The following LHFPL6 variants were observed in gnomAD, a reference collection of about 807,000 sequenced individuals.
The protein encoded by LHFPL6 is LHFPL tetraspan subfamily member 6 protein.
Under a neutral mutation model 20.6 loss-of-function variants are expected in LHFPL6, and 9 were observed. The ratio of observed to expected loss-of-function variants is 0.44; its 90% confidence interval spans 0.26 to 0.76. The LOEUF (loss-of-function observed/expected upper bound fraction) is 0.76. Among genes scored for constraint, LHFPL6 ranks in the 30% least tolerant of loss-of-function variants. The pLI is 0.20. For synonymous variants in LHFPL6, 105 were observed against 98.7 expected (o/e 1.06, Z -0.38); for missense variants, 218 against 253.5 (o/e 0.86, Z 0.95).
Position 39,342,916 on chromosome 13 carries a change from C to T in LHFPL6, c.*1020G>A, listed in dbSNP as rs74044026. The T allele has an allele frequency of 9.0e-3, 1,609 of 179,736 alleles. 29 individuals carry two copies. Among genetic ancestry groups the T allele is most frequent in the African/African-American group, 0.036 (1,543 of 42,446 alleles). 11.1% of individuals were successfully genotyped at this position (179,736 alleles called of 1,614,324 possible). On this transcript the variant is annotated 3_prime_UTR_variant, in exon 4 of 4. Transcript: ENST00000379589. The stretch of plus-strand genomic sequence containing the variant: ...CTATTGATCAAAGAGAGAATTTATT[C>T]ACAGAGATTTTCAAATACAAACAAA...
chr13:39,359,690 G>C (rs1047557575), intron 3 of LHFPL6, among the ~76,000 whole-genome samples: 1 of 152,012 alleles, frequency 6.6e-6, no homozygotes, highest in African/African-American at 2.4e-5. Context: ...TCACTTCTTC[G>C]GTGACGGATT....
In LHFPL6 at chr13:39,375,562, G is replaced by A. The variant is rs184706438; in HGVS notation, c.484+2866C>T. ...AAAAATTAGCTGGGCCTGGTGGCGG[G>A]TGCCTGTAATCTCAGCTACTTAGGA... On this transcript the variant is annotated intron_variant, in intron 3 of 3. Coordinates refer to ENST00000379589, the MANE Select transcript of LHFPL6 (RefSeq NM_005780.3). Among the ~76,000 whole-genome samples, 72 of 152,172 alleles carry A rather than the reference G, an allele frequency of 4.7e-4. No homozygotes were observed. In the East Asian group the frequency reaches 8.1e-3, roughly 17 times the overall value.
At chr13:39,382,389 TTTTG>T (rs1408631842) in intron 2 of LHFPL6, among the ~76,000 whole-genome samples, 1 of 152,096 alleles carries the variant, frequency 6.6e-6, no homozygotes, top group African/African-American at 2.4e-5. Flanking sequence ...TTACTTTGTT[TTTTG>T]TTTGTTTGGT....
intron 3 of LHFPL6, among the ~76,000 whole-genome samples, chr13:39,363,317 A>AT (rs1217163188): frequency 6.6e-6 from 1 of 152,028 alleles, no homozygotes; most frequent in Non-Finnish European, 1.5e-5. Flanking sequence ...CATCCTTTTG[A>AT]TTTTATCCTT....
chr13:39,418,778 T>C (rs1164195666), intron 2 of LHFPL6, among the ~76,000 whole-genome samples: 2 of 152,234 alleles, frequency 1.3e-5, no homozygotes, highest in Non-Finnish European at 2.9e-5. Flanking sequence ...AGCTTTGCCT[T>C]TCCTATCTTC....
intron 2 of LHFPL6, among the ~76,000 whole-genome samples, chr13:39,507,866 C>A (rs1416272343): frequency 6.8e-6 from 1 of 146,608 alleles, no homozygotes; most frequent in African/African-American, 2.5e-5. Context: ...GATTTCAAGT[C>A]CAGGCTTTAT....
intron 2 of LHFPL6, among the ~76,000 whole-genome samples, chr13:39,451,481 T>A (rs1305417043): frequency 1.3e-5 from 2 of 152,188 alleles, no homozygotes; most frequent in Non-Finnish European, 2.9e-5. Context: ...ACCTATTACA[T>A]AACCTAGCCA....
At chr13:39,593,092 A>G (rs1237694521) in intron 2 of LHFPL6, among the ~76,000 whole-genome samples, 1 of 152,166 alleles carries the variant, frequency 6.6e-6, no homozygotes, top group South Asian at 2.1e-4. Context: ...TACCACTCCT[A>G]ATCAACATAG....
At chr13:39,364,502 G>T (rs1566094364) in intron 3 of LHFPL6, among the ~76,000 whole-genome samples, 1 of 152,170 alleles carries the variant, frequency 6.6e-6, no homozygotes. Context: ...CCAATGCAGA[G>T]AAATGGCAAA....
intron 2 of LHFPL6, among the ~76,000 whole-genome samples, chr13:39,468,748 A>G (rs1215187124): frequency 6.6e-6 from 1 of 152,172 alleles, no homozygotes; most frequent in East Asian, 1.9e-4. Flanking sequence ...GCATATGATT[A>G]CAATTCTCAG....
Position 39,568,725 on chromosome 13 carries a change from G to C in LHFPL6, c.385+32107C>G, listed in dbSNP as rs981832737. Among the ~76,000 whole-genome samples, 45 of 152,116 alleles carry C rather than the reference G, an allele frequency of 3.0e-4. 1 individual carries two copies. The highest frequency in any genetic ancestry group is 2.6e-3 in the Admixed American group (40 of 15,266). ...CCCATCTCAGAAGCTCCAGGCTCTG[G>C]CTCCTTTCACCCCTACATCCTCTAA... is the stretch of plus-strand genomic sequence containing the variant. On this transcript the variant is annotated intron_variant, in intron 2 of 3. Transcript: ENST00000379589.
At chr13:39,588,931 C>T (rs1381075821) in intron 2 of LHFPL6, among the ~76,000 whole-genome samples, 1 of 152,010 alleles carries the variant, frequency 6.6e-6, no homozygotes, top group Non-Finnish European at 1.5e-5. Flanking sequence ...CTTTTTTATC[C>T]AACAATATTT....
rs1169806177 is a variant in LHFPL6, at chr13:39,416,443, C to T, written c.386-37917G>A. On this transcript the variant is annotated intron_variant, in intron 2 of 3. Coordinates refer to ENST00000379589, the MANE Select transcript of LHFPL6 (RefSeq NM_005780.3). ...CCAGTTCATTTACTCTATGTTTTCC[C>T]CAACTGTGGTGCCACACAATGATAC... 2.0e-5 allele frequency among the ~76,000 whole-genome samples: 3 copies of T among 151,788 alleles called. No homozygotes were observed. In the East Asian group the frequency reaches 5.8e-4, roughly 29 times the overall value.
chr13:39,433,880 T>G (rs983172380), intron 2 of LHFPL6, among the ~76,000 whole-genome samples: 1 of 152,200 alleles, frequency 6.6e-6, no homozygotes, highest in Non-Finnish European at 1.5e-5. Context: ...GAGCCTCCTT[T>G]GGGATGAAAT....
At chr13:39,557,223 C>T (rs1308695642) in intron 2 of LHFPL6, among the ~76,000 whole-genome samples, 2 of 152,192 alleles carry the variant, frequency 1.3e-5, no homozygotes, top group African/African-American at 4.8e-5. Context: ...GGGGCCAGGC[C>T]CAGGGCCCCA....
chr13:39,466,265 C>T (rs1022526940), intron 2 of LHFPL6, among the ~76,000 whole-genome samples: 3 of 152,104 alleles, frequency 2.0e-5, no homozygotes, highest in Non-Finnish European at 4.4e-5. Flanking sequence ...TCTAGATACT[C>T]CCAGGTAGAG....
In LHFPL6 at chr13:39,466,369, G is replaced by C. The variant is rs922862662; in HGVS notation, c.386-87843C>G. Among the ~76,000 whole-genome samples the C allele has an allele frequency of 1.1e-4, 17 of 152,210 alleles. 1 individual carries two copies. The highest frequency in any genetic ancestry group is 3.1e-4 in the African/African-American group (13 of 41,462). On this transcript the variant is annotated intron_variant, in intron 2 of 3. Coordinates refer to ENST00000379589, the MANE Select transcript of LHFPL6 (RefSeq NM_005780.3). ...CCACTTGACATCAGCATGAATTCAA[G>C]TTGAAAAATATTGATTATGCCCTGG...
intron 2 of LHFPL6, among the ~76,000 whole-genome samples, chr13:39,581,532 C>CAAAAA (rs71080316): frequency 9.4e-6 from 1 of 106,424 alleles, no homozygotes; most frequent in South Asian, 2.8e-4. Context: ...ATGCATGAGA[C>CAAAAA]AAAAAAAAAA....
intron 2 of LHFPL6, among the ~76,000 whole-genome samples, chr13:39,579,314 T>C (rs1872210496): frequency 6.6e-6 from 1 of 152,162 alleles, no homozygotes; most frequent in African/African-American, 2.4e-5. Flanking sequence ...TGATAGTGCA[T>C]CAGGACACTA....
Sources: gnomAD v4.1 joint callset for allele counts (sites outside exome capture counted in the v4.1 genomes callset) on GRCh38, gnomAD v4.1.1 for gene constraint, MANE v1.5 for transcripts, NCBI Gene and HGNC (gene_info 2026-07-23, HGNC 2026-07-21) for gene names.